Variants in CNTNAP2 observed in about 807,000 individuals in gnomAD.
CNTNAP2 encodes contactin associated protein 2.
A neutral mutation model predicts 155.2 loss-of-function variants in CNTNAP2; 98 were observed. That is an observed-to-expected ratio of 0.63 (90% CI 0.54 to 0.75). The LOEUF (loss-of-function observed/expected upper bound fraction) is 0.75. Among genes scored for constraint, CNTNAP2 ranks in the 30% least tolerant of loss-of-function variants. The pLI, the probability that CNTNAP2 is intolerant of heterozygous loss-of-function variation, is 0.00. For synonymous variants in CNTNAP2, 651 were observed against 631.2 expected (o/e 1.03, Z -0.47); for missense variants, 1,727 against 1,688.1 (o/e 1.02, Z -0.40).
rs76111973 is a variant in CNTNAP2, at chr7:146,231,042, A to ATAAATAAATAAATAAATAAAT, written c.97+114069_97+114070insTAAATAAATAAATAAATAAAT. ...AATAAATAAATAAATAAATAAATAA[A>ATAAATAAATAAATAAATAAAT]AAGTTAATATATTTAATATAGCTTG... On this transcript the variant is annotated intron_variant, in intron 1 of 23. Coordinates refer to ENST00000361727, the MANE Select transcript of CNTNAP2 (RefSeq NM_014141.6). Among the ~76,000 whole-genome samples, 258 of 150,478 alleles carry ATAAATAAATAAATAAATAAAT rather than the reference A, an allele frequency of 1.7e-3. 3 individuals are homozygous for ATAAATAAATAAATAAATAAAT. Among genetic ancestry groups the ATAAATAAATAAATAAATAAAT allele is most frequent in the African/African-American group, 5.8e-3 (239 of 41,104 alleles).
chr7:147,869,915 T>C (rs535992979), intron 13 of CNTNAP2, among the ~76,000 whole-genome samples: 2 of 152,308 alleles, frequency 1.3e-5, no homozygotes, highest in South Asian at 2.1e-4. Context: ...TTTTTTAAGA[T>C]CATCCAGTAA....
intron 8 of CNTNAP2, among the ~76,000 whole-genome samples, chr7:147,222,689 C>A (rs1424599384): frequency 3.3e-5 from 5 of 151,932 alleles, no homozygotes; most frequent in African/African-American, 9.7e-5. Flanking sequence ...TTTAAACAGG[C>A]CTTTAGTAAT....
chr7:146,757,848 C>T (rs1055903788), intron 1 of CNTNAP2, among the ~76,000 whole-genome samples: 1 of 152,048 alleles, frequency 6.6e-6, no homozygotes, highest in Non-Finnish European at 1.5e-5. Flanking sequence ...CAACTTTTCT[C>T]ATCTCTTGGT....
chr7:146,207,637 G>GTTTT (rs57881187), intron 1 of CNTNAP2, among the ~76,000 whole-genome samples: 34 of 122,344 alleles, frequency 2.8e-4, no homozygotes, highest in South Asian at 1.9e-3. Context: ...ACAGGACTGT[G>GTTTT]TTTTTTTTTT....
intron 13 of CNTNAP2, among the ~76,000 whole-genome samples, chr7:147,858,897 A>T (rs938803188): frequency 1.3e-5 from 2 of 152,194 alleles, no homozygotes; most frequent in African/African-American, 2.4e-5. Context: ...GAACTGTGAG[A>T]AAATTAAGTT....
At chr7:146,151,982 C>T (rs957756418) in intron 1 of CNTNAP2, among the ~76,000 whole-genome samples, 1 of 151,232 alleles carries the variant, frequency 6.6e-6, no homozygotes, top group Non-Finnish European at 1.5e-5. Context: ...AAAAAAAGAA[C>T]TACCATATGA....
chr7:147,292,002 A>G (rs1805324123), intron 8 of CNTNAP2, among the ~76,000 whole-genome samples: 1 of 152,178 alleles, frequency 6.6e-6, no homozygotes, highest in Non-Finnish European at 1.5e-5. Flanking sequence ...GTTTTAAGAT[A>G]CATGCACTGA....
chr7:147,291,395 A>G (rs1351707190), intron 8 of CNTNAP2, among the ~76,000 whole-genome samples: 1 of 152,120 alleles, frequency 6.6e-6, no homozygotes, highest in Non-Finnish European at 1.5e-5. Context: ...AGTTCTATGA[A>G]CATATTCATA....
intron 1 of CNTNAP2, among the ~76,000 whole-genome samples, chr7:146,295,371 G>A (rs546948583): frequency 3.9e-5 from 6 of 152,072 alleles, no homozygotes; most frequent in Admixed American, 2.6e-4. Flanking sequence ...CATGTATTCA[G>A]GGTACAGGTG....
At chr7:147,046,708 T>G (rs1012266262) in intron 4 of CNTNAP2, among the ~76,000 whole-genome samples, 15 of 152,168 alleles carry the variant, frequency 9.9e-5, no homozygotes, top group Non-Finnish European at 2.9e-5. Flanking sequence ...GAGTTCCTGA[T>G]GCTTACAAAT....
intron 21 of CNTNAP2, among the ~76,000 whole-genome samples, chr7:148,292,508 A>G (rs1797205862): frequency 1.3e-5 from 2 of 152,218 alleles, no homozygotes. Flanking sequence ...TACAGTGTGT[A>G]GCATGCTGAA....
intron 9 of CNTNAP2, among the ~76,000 whole-genome samples, chr7:147,325,109 C>T (rs374156677): frequency 2.0e-5 from 3 of 152,046 alleles, no homozygotes; most frequent in African/African-American, 7.2e-5. Context: ...TCAAGACCAG[C>T]CTGGCCAATA....
intron 15 of CNTNAP2, among the ~76,000 whole-genome samples, chr7:147,981,786 G>GGTATGTGTGTGTGTGTGTGTGTGTGT (rs1483366188): frequency 2.9e-4 from 41 of 143,778 alleles, no homozygotes; most frequent in African/African-American, 1.1e-3. Flanking sequence ...TGTCCTTACA[G>GGTATGTGTGTGTGTGTGTGTGTGTGT]GTGTGTGTGT....
chr7:147,560,915 A>G (rs1175751666), intron 11 of CNTNAP2, among the ~76,000 whole-genome samples: 1 of 151,240 alleles, frequency 6.6e-6, no homozygotes, highest in Admixed American at 6.6e-5. Flanking sequence ...AGGAAGGTTA[A>G]AAAAGGGAGG....
At chr7:147,482,360 T>C (rs1798435679) in intron 10 of CNTNAP2, among the ~76,000 whole-genome samples, 1 of 152,082 alleles carries the variant, frequency 6.6e-6, no homozygotes, top group African/African-American at 2.4e-5. Flanking sequence ...GGTTAGGAAA[T>C]AAAACATTTT....
Position 147,570,531 on chromosome 7 carries a change from A to C in CNTNAP2, c.1897+8274A>C, listed in dbSNP as rs937601017. On this transcript the variant is annotated intron_variant, in intron 12 of 23. Transcript: ENST00000361727. ...TGTCAACCAGAAATGACAATTACTA[A>C]CACATTAGTCACTGTGCAATAAAGA... Among the ~76,000 whole-genome samples, 60 of 152,336 alleles carry C rather than the reference A, an allele frequency of 3.9e-4. 1 individual carries two copies. Among genetic ancestry groups the C allele is most frequent in the African/African-American group, 1.4e-3 (60 of 41,580 alleles).
intron 1 of CNTNAP2, among the ~76,000 whole-genome samples, chr7:146,531,163 A>G (rs1797763286): frequency 6.6e-6 from 1 of 152,178 alleles, no homozygotes; most frequent in Admixed American, 6.5e-5. Flanking sequence ...AGTGGGAGCT[A>G]AACATTGAGT....
intron 9 of CNTNAP2, among the ~76,000 whole-genome samples, chr7:147,303,713 G>T (rs1035976780): frequency 1.3e-5 from 2 of 152,156 alleles, no homozygotes; most frequent in African/African-American, 4.8e-5. Flanking sequence ...AATGGCAATA[G>T]AATCTGTTTT....
intron 11 of CNTNAP2, among the ~76,000 whole-genome samples, chr7:147,533,287 C>G (rs1308813073): frequency 2.6e-5 from 4 of 152,082 alleles, no homozygotes; most frequent in African/African-American, 9.7e-5. Context: ...TATTAACAAT[C>G]AAATATTACA....
Sources: allele counts gnomAD v4.1 joint callset (sites outside exome capture counted in the v4.1 genomes callset), GRCh38; gene constraint gnomAD v4.1.1; transcripts MANE v1.5; gene names NCBI Gene and HGNC (gene_info 2026-07-23, HGNC 2026-07-21).